ZNF75A: variants seen among roughly 807,000 people sequenced by gnomAD.
ZNF75A encodes zinc finger protein 75A.
A neutral mutation model predicts 46.3 loss-of-function variants in ZNF75A; 36 were observed. The observed-to-expected ratio is 0.78, with a 90% CI of 0.60 to 1.03. The LOEUF is 1.03. Ranked by LOEUF, ZNF75A falls within the 50% of genes least tolerant of loss-of-function variation. The probability of loss-of-function intolerance (pLI) is 0.00; values close to 1 mark genes in which losing one functional copy is unlikely to be tolerated. For synonymous variants in ZNF75A, 234 were observed against 189.9 expected (o/e 1.23, Z -1.91); for missense variants, 595 against 551.3 (o/e 1.08, Z -0.79).
downstream of ZNF75A, among the ~76,000 whole-genome samples, chr16:3,320,653 G>T (rs1277934950): frequency 6.6e-6 from 1 of 152,144 alleles, no homozygotes; most frequent in Non-Finnish European, 1.5e-5. Flanking sequence ...TTGTCTCCCT[G>T]CGCGTTGCCT....
At chr16:3,311,665 C>T (rs762629616) in intron 2 of ZNF75A, 88 bp from the exon 3 acceptor site, 178 of 660,432 alleles carry the variant, frequency 2.7e-4, no homozygotes, top group Non-Finnish European at 3.3e-4. Flanking sequence ...ATACTACCCA[C>T]AATGTGGGCT....
rs763705373 is a variant in ZNF75A, at chr16:3,311,734, G to A, written c.409-19G>A. ...CCAAAAGTAAGTTCTGTGGTAACAA[G>A]GATGGGAATTATTTCTAGGTTGCAG... On this transcript the variant is annotated intron_variant, in intron 2 of 6. Coordinates refer to ENST00000669516, the MANE Select transcript of ZNF75A (RefSeq NM_001302109.2). The A allele has an allele frequency of 2.2e-5, 23 of 1,046,252 alleles. No individual in the cohort carries two copies. Among genetic ancestry groups the A allele is most frequent in the Non-Finnish European group, 2.7e-5 (23 of 861,034 alleles). 64.8% of individuals were successfully genotyped at this position (1,046,252 alleles called of 1,614,324 possible).
intron 3 of ZNF75A, 108 bp from the exon 4 acceptor site, chr16:3,312,569 T>A: frequency 4.0e-6 from 1 of 248,568 alleles, no homozygotes; most frequent in Non-Finnish European, 6.4e-6. Flanking sequence ...ACACCACACG[T>A]GTAAAGGTGT....
chr16:3,320,625 T>C (rs1961491871), downstream of ZNF75A, among the ~76,000 whole-genome samples: 1 of 152,216 alleles, frequency 6.6e-6, no homozygotes, highest in Admixed American at 6.5e-5. Context: ...TCTGGCCTTA[T>C]TCCACTTCCC....
chr16:3,314,643 A>G (rs1015985483), intron 5 of ZNF75A: 29 of 983,678 alleles, frequency 2.9e-5, no homozygotes, highest in Non-Finnish European at 3.5e-5. Context: ...CTTAAATCGT[A>G]TTCTGTTAAT....
In ZNF75A at chr16:3,317,419, TA is replaced by T; in HGVS notation, c.1165del (p.Met389TrpfsTer61). On this transcript the variant is annotated frameshift_variant, in exon 7 of 7. Coordinates refer to ENST00000669516, the MANE Select transcript of ZNF75A (RefSeq NM_001302109.2). LOFTEE classifies it high-confidence loss of function. ...STWKQELLKL[M>X]DRHKKDCARE... The stretch of plus-strand genomic sequence containing the variant: ...CCTGGAAACAAGAGCTGCTCAAACT[TA>T]TGGATCGTCACAAGAAAGATTGTGC... 6.2e-7 allele frequency: 1 copy of T among 1,614,096 alleles called. No individual in the cohort carries two copies. The highest frequency in any genetic ancestry group is 1.7e-5 in the Admixed American group (1 of 60,016).
chr16:3,315,173 A>C, intron 5 of ZNF75A: 1 of 791,782 alleles, frequency 1.3e-6, no homozygotes, highest in Non-Finnish European at 1.5e-6. Context: ...CTCAGGGCAA[A>C]CAAAGTACTG....
chr16:3,317,964 A>C lies in ZNF75A; in HGVS notation c.*95A>C. The C allele has an allele frequency of 1.4e-6, 2 of 1,473,248 alleles. No individual in the cohort carries two copies. The highest frequency in any genetic ancestry group is 2.9e-5 in the South Asian group (2 of 69,228). The allele number at this position is 1,473,248 out of a possible 1,614,324, so 91.3% of individuals were successfully genotyped here. A position where few individuals can be genotyped will look rare whatever the true frequency, so the allele number is the denominator to read the frequency against. On this transcript the variant is annotated 3_prime_UTR_variant, in exon 7 of 7. Transcript: ENST00000669516. ...AAAAGAAAAATCACAAACCTTGAAA[A>C]ATTTTACATCAGAAAATGGGATAAA...
chr16:3,321,508 G>C (rs1224270991), downstream of ZNF75A, among the ~76,000 whole-genome samples: 2 of 152,170 alleles, frequency 1.3e-5, no homozygotes, highest in Non-Finnish European at 2.9e-5. Context: ...TTATTTTTGA[G>C]ACAAGGGTCT....
intron 1 of ZNF75A, chr16:3,306,837 C>A (rs898221503): frequency 6.6e-6 from 1 of 152,146 alleles, no homozygotes; most frequent in African/African-American, 2.4e-5. Context: ...TTTTTACTTT[C>A]TGTAGTACCC....
intron 5 of ZNF75A, among the ~76,000 whole-genome samples, chr16:3,313,986 A>T (rs142303406): frequency 2.0e-5 from 3 of 152,124 alleles, no homozygotes; most frequent in African/African-American, 7.2e-5. Context: ...GGCTTCCTGA[A>T]TACTTCATTT....
rs1961386030 is a variant in ZNF75A, at chr16:3,318,400, A to G, written c.*531A>G. ...CTGTGATGAAATCTTGTTAACCACC[A>G]CTAGGGAATCTCCAGATGAACTATT... On this transcript the variant is annotated 3_prime_UTR_variant, in exon 7 of 7. Transcript: ENST00000669516. The G allele has an allele frequency of 2.2e-5, 22 of 986,984 alleles. No homozygotes were observed. Among genetic ancestry groups the G allele is most frequent in the Admixed American group, 6.1e-5 (1 of 16,514 alleles). The allele number at this position is 986,984 out of a possible 1,614,324, so 61.1% of individuals were successfully genotyped here.
intron 2 of ZNF75A, chr16:3,311,081 CAG>C: frequency 4.7e-6 from 2 of 428,194 alleles, no homozygotes; most frequent in Non-Finnish European, 3.1e-6. Flanking sequence ...AACTAGAAGA[CAG>C]AAAACCACAA....
At chr16:3,322,149 A>G (rs78922052), downstream of ZNF75A, among the ~76,000 whole-genome samples, 684 of 152,196 alleles carry the variant, frequency 4.5e-3, 6 homozygotes, top group African/African-American at 0.015. Context: ...ATTCTCTCCT[A>G]TGTAGACTCT....
At chr16:3,315,183 G>A (rs560549989) in intron 5 of ZNF75A, 1 of 411,894 alleles carries the variant, frequency 2.4e-6, no homozygotes, top group African/African-American at 2.2e-5. Context: ...ACAAAGTACT[G>A]TCATGTTTTT....
rs1307311037 is a variant in ZNF75A, at chr16:3,318,593, T to C, written c.*724T>C. ...ACTTGTTAATCCCTGCCTTGCAATGTCAGTAGGATAAAGCAGCTATAAAAA... is the reference window on the plus strand; with the variant it reads ...ACTTGTTAATCCCTGCCTTGCAATGCCAGTAGGATAAAGCAGCTATAAAAA... On this transcript the variant is annotated 3_prime_UTR_variant, in exon 7 of 7. Coordinates refer to ENST00000669516, the MANE Select transcript of ZNF75A (RefSeq NM_001302109.2). The C allele has an allele frequency of 1.0e-6, 1 of 985,342 alleles. No homozygotes were observed. Among genetic ancestry groups the C allele is most frequent in the Admixed American group, 6.1e-5 (1 of 16,272 alleles). The allele number at this position is 985,342 out of a possible 1,614,324, so 61.0% of individuals were successfully genotyped here.
intron 2 of ZNF75A, 113 bp from the exon 3 acceptor site, chr16:3,311,640 T>A (rs1960808532): frequency 4.8e-6 from 2 of 419,714 alleles, no homozygotes; most frequent in Admixed American, 6.4e-5. Context: ...TTTTTGTCAT[T>A]TTTTTTAGTG....
chr16:3,317,171 A>C lies in ZNF75A; in HGVS notation c.935-19A>C. 6.3e-7 allele frequency: 1 copy of C among 1,591,182 alleles called. No homozygotes were observed. The highest frequency in any genetic ancestry group is 8.6e-7 in the Non-Finnish European group (1 of 1,169,270). ...GCTTGTTCTGGGATACAGATGTGTG[A>C]TTATGTTTATTCCAACAGGGTTAAA... On this transcript the variant is annotated intron_variant, in intron 6 of 6. Coordinates refer to ENST00000669516, the MANE Select transcript of ZNF75A (RefSeq NM_001302109.2).
At position 3,308,812 on chromosome 16, in the gene ZNF75A, G is replaced by A. The variant is rs1960482565; in HGVS notation, c.384G>A (p.Arg128=). The A allele has an allele frequency of 1.0e-6, 1 of 985,908 alleles. No individual in the cohort carries two copies. The highest frequency in any genetic ancestry group is 1.2e-6 in the Non-Finnish European group (1 of 830,064). 61.1% of individuals were successfully genotyped at this position (985,908 alleles called of 1,614,324 possible). ...EAVALVEHLQ[R]ESGQTWNGVA... is the part of the protein sequence containing the mutation. ...TGGCTCTGGTAGAACACTTGCAGAG[G>A]GAATCTGGTCAAACATGGAATGGGG... Residue 128 remains arginine, a synonymous_variant, in exon 2 of 7, where the codon AGG becomes AGA. Transcript: ENST00000669516.
Sources: allele counts gnomAD v4.1 joint callset (sites outside exome capture counted in the v4.1 genomes callset), GRCh38; gene constraint gnomAD v4.1.1; transcripts MANE v1.5; gene names NCBI Gene and HGNC (gene_info 2026-07-23, HGNC 2026-07-21).